Variants in NUCB2 observed in about 807,000 individuals in gnomAD.
The protein encoded by NUCB2 is nucleobindin-2.
NUCB2 carries 48 observed loss-of-function variants against 57.9 expected under a neutral mutation model. The ratio of observed to expected loss-of-function variants is 0.83; its 90% CI spans 0.66 to 1.05. NUCB2 has a LOEUF of 1.05. Among genes scored for constraint, NUCB2 ranks in the 50% least tolerant of loss-of-function variants. NUCB2 has a pLI of 0.00. For synonymous variants in NUCB2, 139 were observed against 152.1 expected, an observed-to-expected ratio of 0.91 and a Z score of 0.64; for missense variants, 442 against 476.2, an observed-to-expected ratio of 0.93 and a Z score of 0.67.
chr11:17,325,370 G>A (rs570940116), intron 11 of NUCB2, among the ~76,000 whole-genome samples: 1 of 152,252 alleles, frequency 6.6e-6, no homozygotes, highest in Admixed American at 6.5e-5. Context: ...GTGCTCTAGT[G>A]TTGGGTGCAT....
intron 2 of NUCB2, among the ~76,000 whole-genome samples, chr11:17,347,812 A>C (rs1281785739): frequency 6.6e-6 from 1 of 152,192 alleles, no homozygotes; most frequent in African/African-American, 2.4e-5. Context: ...TGTTTTATAG[A>C]ATGGCTCTCA....
At chr11:17,282,256 ATATTT>A (rs67388878) in intron 1 of NUCB2, among the ~76,000 whole-genome samples, 8,906 of 106,368 alleles carry the variant, frequency 0.084, 440 homozygotes, top group East Asian at 0.29. Flanking sequence ...ATATATATAT[ATATTT>A]TTTTTTTTTT....
At chr11:17,298,842 G>T (rs1000007812) in intron 4 of NUCB2, among the ~76,000 whole-genome samples, 1 of 152,068 alleles carries the variant, frequency 6.6e-6, no homozygotes, top group African/African-American at 2.4e-5. Flanking sequence ...GGGATTACAG[G>T]TGTGGGCCAC....
At chr11:17,333,001 C>A (rs1951533987), downstream of NUCB2, 1 of 152,158 alleles carries the variant, frequency 6.6e-6, no homozygotes, top group Admixed American at 6.5e-5. Flanking sequence ...TGTGAGCCAC[C>A]ATGCCCAAGA....
intron 4 of NUCB2, among the ~76,000 whole-genome samples, chr11:17,300,630 T>C (rs1946549340): frequency 6.6e-6 from 1 of 152,250 alleles, no homozygotes; most frequent in Non-Finnish European, 1.5e-5. Context: ...CCAAACAATA[T>C]GCCATTGTAT....
At chr11:17,283,222 G>A (rs900648035) in intron 2 of NUCB2, among the ~76,000 whole-genome samples, 2 of 152,176 alleles carry the variant, frequency 1.3e-5, no homozygotes, top group Non-Finnish European at 2.9e-5. Flanking sequence ...AGCTGCCAGA[G>A]CTCTAACCAT....
intron 4 of NUCB2, among the ~76,000 whole-genome samples, chr11:17,300,436 C>T (rs1946517888): frequency 1.3e-5 from 2 of 152,110 alleles, no homozygotes; most frequent in African/African-American, 4.8e-5. Flanking sequence ...CTCCTAATTG[C>T]GCCCCTTTCC....
Position 17,331,421 on chromosome 11 carries a change from G to A in NUCB2, c.*2G>A, listed in dbSNP as rs369707288. 2.6e-5 allele frequency: 37 copies of A among 1,439,728 alleles called. No individual in the cohort carries two copies. The highest frequency in any genetic ancestry group is 3.7e-4 in the Middle Eastern group (2 of 5,392). 89.2% of individuals were successfully genotyped at this position (1,439,728 alleles called of 1,614,324 possible). On this transcript the variant is annotated 3_prime_UTR_variant, in exon 14 of 14. Coordinates refer to ENST00000529010, the MANE Select transcript of NUCB2 (RefSeq NM_005013.4). Reference sequence around the variant, plus strand: ...TTCTTTTTTCCAACAGACATTTAAAGTCTGAAGTCCACCAGAACTTGGAAG... The same window carrying A: ...TTCTTTTTTCCAACAGACATTTAAAATCTGAAGTCCACCAGAACTTGGAAG...
chr11:17,296,032 C>G (rs1330730740), intron 3 of NUCB2, 72 bp from the exon 4 acceptor site: 1 of 753,920 alleles, frequency 1.3e-6, no homozygotes, highest in Non-Finnish European at 2.1e-6. Flanking sequence ...AATTGTTTCA[C>G]AGGATTGACC....
At chr11:17,282,579 G>A (rs577029492) in intron 1 of NUCB2, among the ~76,000 whole-genome samples, 173 of 151,784 alleles carry the variant, frequency 1.1e-3, no homozygotes, top group African/African-American at 3.9e-3. Context: ...TGTTTATTCC[G>A]GTTTTTGATT....
intron 2 of NUCB2, among the ~76,000 whole-genome samples, chr11:17,346,451 A>G (rs1227346086): frequency 1.4e-5 from 2 of 144,230 alleles, no homozygotes; most frequent in Admixed American, 7.0e-5. Context: ...GGCTGATGTT[A>G]TGAAGAGTCT....
intron 2 of NUCB2, among the ~76,000 whole-genome samples, chr11:17,345,942 G>T (rs1952701516): frequency 6.6e-6 from 1 of 152,002 alleles, no homozygotes; most frequent in Admixed American, 6.6e-5. Context: ...ATAAATATAT[G>T]TTGTAAAAAT....
chr11:17,339,474 T>C (rs1451653697), intron 2 of NUCB2, among the ~76,000 whole-genome samples: 1 of 151,274 alleles, frequency 6.6e-6, no homozygotes, highest in Non-Finnish European at 1.5e-5. Flanking sequence ...TAACATTAGG[T>C]ATATCTCCTA....
At chr11:17,296,077 C>T in intron 3 of NUCB2, 27 bp from the exon 4 acceptor site, 1 of 1,357,828 alleles carries the variant, frequency 7.4e-7, no homozygotes, top group Non-Finnish European at 1.0e-6. Context: ...CCTGCAGAAG[C>T]ATTACTGTTG....
chr11:17,336,038 A>T (rs186135037), downstream of NUCB2, among the ~76,000 whole-genome samples: 1 of 152,190 alleles, frequency 6.6e-6, no homozygotes, highest in Non-Finnish European at 1.5e-5. Context: ...GGTGCTTGGG[A>T]CCTGAAGTGT....
At chr11:17,287,728 G>A (rs1214071239) in intron 2 of NUCB2, among the ~76,000 whole-genome samples, 2 of 151,652 alleles carry the variant, frequency 1.3e-5, no homozygotes, top group East Asian at 1.9e-4. Flanking sequence ...GGCTAGATGT[G>A]GTGGCTCACT....
rs1944414979 is a variant in NUCB2, at chr11:17,288,950, C to CACACACACACAT, written c.-1+6008_-1+6009insCACACACACATA. ...ACACACACACACACACACACACACA[C>CACACACACACAT]ATATATATATATATTTTTTTTTTTT... On this transcript the variant is annotated intron_variant, in intron 2 of 13. Coordinates refer to ENST00000529010, the MANE Select transcript of NUCB2 (RefSeq NM_005013.4). Among the ~76,000 whole-genome samples the CACACACACACAT allele has an allele frequency of 3.9e-4, 13 of 33,162 alleles. 1 individual carries two copies. The highest frequency in any genetic ancestry group is 5.8e-4 in the Non-Finnish European group (12 of 20,804). The allele number at this position is 33,162 out of a possible 152,430, so 21.8% of individuals were successfully genotyped here. A position where few individuals can be genotyped will look rare whatever the true frequency, so the allele number is the denominator to read the frequency against.
intron 1 of NUCB2, among the ~76,000 whole-genome samples, chr11:17,277,737 G>A (rs1160952473): frequency 1.5e-4 from 23 of 152,080 alleles, no homozygotes. Context: ...AAATAGGGGA[G>A]GTTAAATGCA....
At chr11:17,307,891 C>A (rs1046810812) in intron 5 of NUCB2, among the ~76,000 whole-genome samples, 4 of 152,158 alleles carry the variant, frequency 2.6e-5, no homozygotes, top group African/African-American at 9.7e-5. Flanking sequence ...AGCAATAATT[C>A]CTCACAGGCT....
Sources: allele counts gnomAD v4.1 joint callset (sites outside exome capture counted in the v4.1 genomes callset), GRCh38; gene constraint gnomAD v4.1.1; transcripts MANE v1.5; gene names NCBI Gene and HGNC (gene_info 2026-07-23, HGNC 2026-07-21).